Variants in ABCB10 observed in about 807,000 individuals in gnomAD.
The protein encoded by ABCB10 is ATP-binding cassette sub-family B member 10, mitochondrial.
A neutral mutation model predicts 65.4 loss-of-function variants in ABCB10; 54 were observed. That is an observed-to-expected ratio of 0.83 (90% confidence interval 0.66 to 1.04). The LOEUF (loss-of-function observed/expected upper bound fraction) is 1.04. Ranked by LOEUF, ABCB10 falls within the 50% of genes least tolerant of loss-of-function variation. The probability of loss-of-function intolerance (pLI) is 0.00; values close to 1 mark genes in which losing one functional copy is unlikely to be tolerated. For missense variants in ABCB10, 846 were observed against 976.6 expected (o/e 0.87, Z 1.78); for synonymous variants, 418 against 406.5 (o/e 1.03, Z -0.34).
chr1:229,545,096 C>A (rs749680076), intron 3 of ABCB10, among the ~76,000 whole-genome samples: 1 of 152,218 alleles, frequency 6.6e-6, no homozygotes, highest in Non-Finnish European at 1.5e-5. Context: ...ATTATTATGG[C>A]ATCCCAAACA....
At chr1:229,532,748 G>T (rs1164952021) in intron 6 of ABCB10, among the ~76,000 whole-genome samples, 1 of 152,094 alleles carries the variant, frequency 6.6e-6, no homozygotes, top group Non-Finnish European at 1.5e-5. Context: ...AGGCCTGGTA[G>T]CATGTGCCTA....
rs1380065102 is a variant in ABCB10 at position 229,539,485 on chromosome 1, T to C, written c.1310A>G (p.Tyr437Cys). Reference sequence around the variant, plus strand: ...AATGCTTATTCCAACCCAGAAAGCATACATTAGGAAGGAAGAGAGTTCACC... The same window carrying C: ...AATGCTTATTCCAACCCAGAAAGCACACATTAGGAAGGAAGAGAGTTCACC... ...TVGELSSFLM[Y>C]AFWVGISIGG... Residue 437 changes from tyrosine to cysteine, a missense_variant, in exon 6 of 13, where the codon TAT (tyrosine) becomes TGT (cysteine). Tyr to Cys is a radical substitution (Grantham distance 194, BLOSUM62 -2). Transcript: ENST00000344517. 1 of 1,613,990 alleles carries C rather than the reference T, an allele frequency of 6.2e-7. No homozygotes were observed. The highest frequency in any genetic ancestry group is 1.1e-5 in the South Asian group (1 of 91,080).
chr1:229,551,417 T>A (rs957151826), intron 1 of ABCB10, among the ~76,000 whole-genome samples: 1 of 152,240 alleles, frequency 6.6e-6, no homozygotes, highest in Non-Finnish European at 1.5e-5. Context: ...TTGGTCTGCT[T>A]TGTCACTGAT....
chr1:229,558,619 G>A lies in ABCB10; in HGVS notation c.34C>T (p.Leu12Phe). ...RGPPAWPLRL[L>F]EPPSPAEPGR... Reference sequence around the variant, plus strand: ...GGCTCGGCAGGGCTCGGTGGCTCGAGCAGCCGCAGCGGCCAGGCAGGGGGG... The same window carrying A: ...GGCTCGGCAGGGCTCGGTGGCTCGAACAGCCGCAGCGGCCAGGCAGGGGGG... The change falls in exon 1 of 13, where the codon CTC becomes TTC. Residue 12 changes from leucine to phenylalanine, a missense_variant. Leu to Phe is a conservative substitution (Grantham distance 22). Around this residue, in one of 2 missense-constraint regions of ABCB10, gnomAD observed 214 missense variants for 173.5 expected, o/e 1.23. Coordinates refer to ENST00000344517, the MANE Select transcript of ABCB10 (RefSeq NM_012089.3). The A allele has an allele frequency of 1.4e-6, 2 of 1,414,918 alleles. No homozygotes were observed. The highest frequency in any genetic ancestry group is 1.8e-6 in the Non-Finnish European group (2 of 1,084,848). 87.6% of individuals were successfully genotyped at this position (1,414,918 alleles called of 1,614,324 possible).
chr1:229,544,527 C>T (rs1662924662), intron 3 of ABCB10, among the ~76,000 whole-genome samples: 1 of 150,728 alleles, frequency 6.6e-6, no homozygotes, highest in Admixed American at 6.6e-5. Context: ...ATATCAGGTT[C>T]TCATAACTGG....
intron 7 of ABCB10, among the ~76,000 whole-genome samples, chr1:229,530,610 T>C (rs1662561522): frequency 6.6e-6 from 1 of 152,084 alleles, no homozygotes; most frequent in Non-Finnish European, 1.5e-5. Flanking sequence ...ATGTCCAAGG[T>C]ACTATATACG....
At chr1:229,524,301 A>G (rs576853618) in intron 10 of ABCB10, among the ~76,000 whole-genome samples, 103 of 152,112 alleles carry the variant, frequency 6.8e-4, no homozygotes, top group Middle Eastern at 3.4e-3. Flanking sequence ...AGCTGGGACC[A>G]TAAGTGCTCA....
intron 3 of ABCB10, among the ~76,000 whole-genome samples, chr1:229,545,753 T>A (rs1044040935): frequency 6.6e-6 from 1 of 152,202 alleles, no homozygotes; most frequent in Admixed American, 6.5e-5. Context: ...TTGAACAACA[T>A]TGGTCTGAAA....
chr1:229,534,661 G>A (rs530579596), intron 6 of ABCB10, among the ~76,000 whole-genome samples: 4 of 152,034 alleles, frequency 2.6e-5, no homozygotes, highest in Non-Finnish European at 4.4e-5. Flanking sequence ...CTGAGGTCAG[G>A]AGTTCAAGAT....
chr1:229,535,038 T>TTAAAAAAAAAAAAA (rs1553264347), intron 6 of ABCB10: 4 of 47,476 alleles, frequency 8.4e-5, no homozygotes, highest in African/African-American at 3.1e-4. Flanking sequence ...AGACTCCCTT[T>TTAAAAAAAAAAAAA]AAAAAAAAAA....
intron 12 of ABCB10, 64 bp from the exon 13 acceptor site, chr1:229,518,474 C>T (rs563279613): frequency 2.8e-4 from 374 of 1,328,142 alleles, no homozygotes; most frequent in Non-Finnish European, 3.3e-4. Context: ...CTTCCTGATA[C>T]ACACAGCAGC....
chr1:229,529,312 A>C (rs1179833902), intron 8 of ABCB10, among the ~76,000 whole-genome samples: 1 of 127,842 alleles, frequency 7.8e-6, no homozygotes, highest in Non-Finnish European at 1.7e-5. Context: ...AAAAAAAAAA[A>C]AAAAAAAAAA....
Position 229,518,198 on chromosome 1 carries a change from T to C in ABCB10, c.2198A>G (p.Gln733Arg). 1 of 1,613,748 alleles carries C rather than the reference T, an allele frequency of 6.2e-7. No homozygotes were observed. Among genetic ancestry groups the C allele is most frequent in the Non-Finnish European group, 8.5e-7 (1 of 1,179,642 alleles). Residue 733 changes from glutamine (Q) to arginine (R), a missense_variant, in exon 13 of 13, where the codon CAA (glutamine) becomes CGA (arginine). Coordinates refer to ENST00000344517, the MANE Select transcript of ABCB10 (RefSeq NM_012089.3). Reference protein sequence around the residue: ...NGIYRKLMNKQSFISA With the variant: ...NGIYRKLMNKRSFISA ...GCTTCCTTATGCTGAAATAAAACTT[T>C]GTTTGTTCATTAGTTTTCTGTATAT... is the stretch of plus-strand genomic sequence containing the variant.
At chr1:229,549,133 A>G in intron 2 of ABCB10, 101 bp downstream of exon 2, 1 of 1,253,084 alleles carries the variant, frequency 8.0e-7, no homozygotes, top group Non-Finnish European at 1.2e-6. Flanking sequence ...AGAGAGGAAG[A>G]GAATGGAGCC....
chr1:229,518,083 T>G lies in ABCB10; in HGVS notation c.*96A>C. The G allele has an allele frequency of 1.1e-6, 1 of 872,916 alleles. No homozygotes were observed. Among genetic ancestry groups the G allele is most frequent in the South Asian group, 1.7e-5 (1 of 59,184 alleles). The allele number at this position is 872,916 out of a possible 1,614,324, so 54.1% of individuals were successfully genotyped here. ...AAAAAATAGGTATTTTTCAAATAAC[T>G]TGATATATGGTTTATGTATTTCATA... On this transcript the variant is annotated 3_prime_UTR_variant, in exon 13 of 13. Coordinates refer to ENST00000344517, the MANE Select transcript of ABCB10 (RefSeq NM_012089.3).
chr1:229,533,139 C>G (rs1662624597), intron 6 of ABCB10, among the ~76,000 whole-genome samples: 1 of 151,808 alleles, frequency 6.6e-6, no homozygotes, highest in African/African-American at 2.4e-5. Flanking sequence ...CAGCTTTGAA[C>G]CATTATTATT....
intron 9 of ABCB10, among the ~76,000 whole-genome samples, 184 bp downstream of exon 9, chr1:229,527,045 T>TA (rs1369565910): frequency 2.6e-5 from 4 of 151,902 alleles, no homozygotes; most frequent in Admixed American, 1.3e-4. Context: ...CTCAAACATT[T>TA]AGGGTTTTCA....
At chr1:229,524,745 T>C (rs1459909167) in intron 10 of ABCB10, among the ~76,000 whole-genome samples, 13 of 152,312 alleles carry the variant, frequency 8.5e-5, no homozygotes, top group Middle Eastern at 6.8e-3. Context: ...ATGGCATGTC[T>C]ATGCACGGCC....
intron 11 of ABCB10, among the ~76,000 whole-genome samples, chr1:229,520,280 G>A (rs929585267): frequency 6.6e-6 from 1 of 152,030 alleles, no homozygotes; most frequent in Non-Finnish European, 1.5e-5. Context: ...GACCAGCCTG[G>A]CGAACATGGT....
Sources: allele counts gnomAD v4.1 joint callset (sites outside exome capture counted in the v4.1 genomes callset), GRCh38; gene constraint gnomAD v4.1.1; regional missense constraint gnomAD v4.1.1; transcripts MANE v1.5; gene names NCBI Gene and HGNC (gene_info 2026-07-23, HGNC 2026-07-21).